MDGA2: variants seen among roughly 807,000 people sequenced by gnomAD.
MDGA2 encodes the protein MAM domain-containing glycosylphosphatidylinositol anchor protein 2.
In MDGA2, 40 loss-of-function variants were observed where a neutral mutation model predicts 117.8. The observed-to-expected ratio is 0.34, with a 90% confidence interval of 0.26 to 0.44. The LOEUF is 0.44. Ranked by LOEUF, MDGA2 falls within the 20% of genes least tolerant of loss-of-function variation. The probability of loss-of-function intolerance (pLI) is 1.00; values close to 1 mark genes in which losing one functional copy is unlikely to be tolerated. For synonymous variants in MDGA2, 452 were observed against 439.0 expected (o/e 1.03, Z -0.37); for missense variants, 1,123 against 1,250.6 (o/e 0.90, Z 1.54).
chr14:47,202,590 A>G (rs563555278), intron 3 of MDGA2, among the ~76,000 whole-genome samples: 2 of 152,328 alleles, frequency 1.3e-5, no homozygotes, highest in African/African-American at 2.4e-5. Context: ...TGTGTCAGCC[A>G]TTGAACCAAT....
chr14:47,430,100 A>G (rs1290068646), intron 1 of MDGA2, among the ~76,000 whole-genome samples: 2 of 151,550 alleles, frequency 1.3e-5, no homozygotes. Flanking sequence ...CAGTTCCTAC[A>G]GTGCCTTGTT....
chr14:47,047,437 T>C (rs1170206871), intron 7 of MDGA2, among the ~76,000 whole-genome samples: 2 of 152,096 alleles, frequency 1.3e-5, no homozygotes, highest in African/African-American at 2.4e-5. Flanking sequence ...AATTTTGTAA[T>C]ATATTTGTAA....
chr14:47,675,182 G>T lies in MDGA2; in HGVS notation c.-386C>A, dbSNP rs967221872. 3.9e-5 allele frequency among the ~76,000 whole-genome samples: 6 copies of T among 152,112 alleles called. No individual in the cohort carries two copies. Among genetic ancestry groups the T allele is most frequent in the Non-Finnish European group, 5.9e-5 (4 of 68,010 alleles). ...GAAGGTCCCCGGAGGGGCGTCAAGC[G>T]GCGACAGCGGCCCGCCCGCCCGCAG... On this transcript the variant is annotated 5_prime_UTR_variant, in exon 1 of 17. Coordinates refer to ENST00000399232, the MANE Select transcript of MDGA2 (RefSeq NM_001113498.3).
rs527907557 is a variant in MDGA2 at position 47,093,926 on chromosome 14, A to G, written c.1195+2928T>C. On this transcript the variant is annotated intron_variant, in intron 6 of 16. Transcript: ENST00000399232. ...TTTAATTACAGAGAAGAATGAGAGG[A>G]GATAAACCTAGATTTCTATATCTAC... 2.4e-4 allele frequency among the ~76,000 whole-genome samples: 37 copies of G among 152,236 alleles called. 1 individual carries two copies. In the South Asian group the frequency reaches 7.2e-3, roughly 30 times the overall value.
chr14:47,095,572 G>C (rs1173166325), intron 6 of MDGA2, among the ~76,000 whole-genome samples: 1 of 151,768 alleles, frequency 6.6e-6, no homozygotes, highest in Non-Finnish European at 1.5e-5. Flanking sequence ...CATTATGGTA[G>C]TTTAACTGGC....
intron 1 of MDGA2, among the ~76,000 whole-genome samples, chr14:47,348,839 G>A (rs1301594452): frequency 6.6e-6 from 1 of 152,190 alleles, no homozygotes; most frequent in Non-Finnish European, 1.5e-5. Context: ...TTTTTGAGTA[G>A]AAGAGGGAGT....
intron 14 of MDGA2, among the ~76,000 whole-genome samples, chr14:46,856,906 A>C (rs1881290395): frequency 1.3e-5 from 2 of 152,118 alleles, no homozygotes; most frequent in Non-Finnish European, 2.9e-5. Flanking sequence ...TCAGAGTCTA[A>C]TTAGAGTCAA....
At chr14:47,161,381 C>T (rs893928606) in intron 3 of MDGA2, among the ~76,000 whole-genome samples, 2 of 151,916 alleles carry the variant, frequency 1.3e-5, no homozygotes, top group African/African-American at 2.4e-5. Flanking sequence ...TTTGATACAA[C>T]GATTATCCAG....
intron 1 of MDGA2, among the ~76,000 whole-genome samples, chr14:47,382,226 T>A (rs1044065489): frequency 6.6e-6 from 1 of 152,162 alleles, no homozygotes; most frequent in Non-Finnish European, 1.5e-5. Context: ...AAGACTTACA[T>A]GTTAGACCTA....
intron 15 of MDGA2, among the ~76,000 whole-genome samples, chr14:46,854,485 TG>T (rs1207020461): frequency 6.6e-6 from 1 of 151,804 alleles, no homozygotes; most frequent in Non-Finnish European, 1.5e-5. Flanking sequence ...ATATCTTTAC[TG>T]GTAACTCTCT....
intron 8 of MDGA2, among the ~76,000 whole-genome samples, chr14:46,971,159 T>C (rs971160131): frequency 3.3e-5 from 5 of 152,044 alleles, no homozygotes; most frequent in African/African-American, 1.2e-4. Context: ...TTATGACAAT[T>C]ACTCAAAAAA....
intron 1 of MDGA2, among the ~76,000 whole-genome samples, chr14:47,341,108 T>A (rs548222198): frequency 6.6e-6 from 1 of 152,212 alleles, no homozygotes; most frequent in Non-Finnish European, 1.5e-5. Flanking sequence ...TTCAGTTTCA[T>A]CTGCTATCTT....
intron 1 of MDGA2, among the ~76,000 whole-genome samples, chr14:47,389,864 A>T (rs376093081): frequency 1.4e-4 from 21 of 152,372 alleles, no homozygotes; most frequent in African/African-American, 4.6e-4. Flanking sequence ...CATTTTAAGC[A>T]TAGAGCCAAA....
chr14:47,218,157 T>A lies in MDGA2; in HGVS notation c.459A>T (p.Arg153Ser), dbSNP rs1162580322. The A allele has an allele frequency of 1.4e-5, 22 of 1,550,898 alleles. No individual in the cohort carries two copies. Among genetic ancestry groups the A allele is most frequent in the Non-Finnish European group, 1.8e-5 (21 of 1,146,566 alleles). The change falls in exon 3 of 17, where the codon AGA becomes AGT. Residue 153 changes from arginine (R) to serine (S), a missense_variant. Physicochemically the swap from Arg to Ser is moderately radical, Grantham distance 110. Around this residue, in one of 2 missense-constraint regions of MDGA2, gnomAD observed 233 missense variants for 200.3 expected, o/e 1.16. Transcript: ENST00000399232. The stretch of plus-strand genomic sequence containing the variant: ...CATTGAAGACACTTGAGTCTTGGAA[T>A]CTGTCAGAGGCACTTCCTGCTGTTT... ...WTKTAGSASD[R>S]FQDSSVFNET...
intron 2 of MDGA2, among the ~76,000 whole-genome samples, chr14:47,264,140 A>T (rs550746207): frequency 6.6e-6 from 1 of 152,184 alleles, no homozygotes; most frequent in Non-Finnish European, 1.5e-5. Context: ...GGGAGGCATT[A>T]GTTTTGAAAT....
intron 5 of MDGA2, among the ~76,000 whole-genome samples, chr14:47,105,101 G>A (rs898515577): frequency 4.3e-4 from 11 of 25,612 alleles, no homozygotes; most frequent in Middle Eastern, 0.015. Context: ...GTCAGACCAC[G>A]CAGGGACGCC....
chr14:47,572,277 T>G (rs1315652051), intron 1 of MDGA2, among the ~76,000 whole-genome samples: 1 of 152,188 alleles, frequency 6.6e-6, no homozygotes, highest in Admixed American at 6.5e-5. Context: ...GCTCTCTTAT[T>G]ACTTTATAAA....
At chr14:47,666,653 G>T (rs965698282) in intron 1 of MDGA2, among the ~76,000 whole-genome samples, 1 of 152,182 alleles carries the variant, frequency 6.6e-6, no homozygotes, top group African/African-American at 2.4e-5. Context: ...GGATGTGGGT[G>T]GGGCCAGATA....
At chr14:47,218,281 C>T in intron 2 of MDGA2, 86 bp from the exon 3 acceptor site, 2 of 1,141,130 alleles carry the variant, frequency 1.8e-6, no homozygotes, top group Non-Finnish European at 2.4e-6. Context: ...GAAGAGTTTG[C>T]ATTTAGAGCT....
Sources: gnomAD v4.1 joint callset for allele counts (sites outside exome capture counted in the v4.1 genomes callset) on GRCh38, gnomAD v4.1.1 for gene constraint, gnomAD v4.1.1 regional missense constraint, MANE v1.5 for transcripts, NCBI Gene and HGNC (gene_info 2026-07-23, HGNC 2026-07-21) for gene names.